Variants in PZP observed in about 807,000 individuals in gnomAD.
The protein encoded by PZP is pregnancy zone protein.
Under a neutral mutation model 179.8 loss-of-function variants are expected in PZP, and 150 were observed. The ratio of observed to expected loss-of-function variants is 0.83; its 90% CI spans 0.73 to 0.96. The LOEUF is 0.96. PZP is among the 40% of genes least tolerant of loss of function. PZP has a pLI of 0.00. For missense variants in PZP, 1,689 were observed against 1,764.0 expected (o/e 0.96, Z 0.76); for synonymous variants, 624 against 652.3 (o/e 0.96, Z 0.66).
chr12:9,165,912 T>C, intron 18 of PZP, 140 bp downstream of exon 18: 1 of 1,047,690 alleles, frequency 9.5e-7, no homozygotes. Context: ...CAATTGCGCA[T>C]TTTACTTAGG....
rs767894948 is a variant in PZP at position 9,201,005 on chromosome 12, A to G, written c.557T>C (p.Ile186Thr). The G allele has an allele frequency of 1.2e-6, 2 of 1,613,976 alleles. No homozygotes were observed. Among genetic ancestry groups the G allele is most frequent in the Admixed American group, 3.3e-5 (2 of 60,000 alleles). The change falls in exon 6 of 36, where the codon ATC becomes ACC. Residue 186 changes from isoleucine to threonine, a missense_variant. Physicochemically the swap from Ile to Thr is moderately conservative, Grantham distance 89. Around this residue, in one of 3 missense-constraint regions of PZP, gnomAD observed 742 missense variants for 730.5 expected, o/e 1.02. Transcript: ENST00000261336. ...QWQSLKLEAG[I>T]NQLSFPLSSE... is the part of the protein sequence containing the mutation. ...TGAGAGGGGAAAGGACAACTGATTG[A>G]TGCCAGCTTCTAGCTTGAGACTCTG... is the stretch of plus-strand genomic sequence containing the variant.
At chr12:9,207,457 T>C (rs1388729702) in intron 1 of PZP, among the ~76,000 whole-genome samples, 3 of 152,202 alleles carry the variant, frequency 2.0e-5, no homozygotes, top group Non-Finnish European at 4.4e-5. Flanking sequence ...TCACAGGCTG[T>C]GTTGAAACAA....
intron 18 of PZP, among the ~76,000 whole-genome samples, chr12:9,165,764 C>G (rs192536383): frequency 5.3e-5 from 8 of 152,316 alleles, no homozygotes; most frequent in African/African-American, 1.9e-4. Context: ...CTGATATTTA[C>G]AGAAGGCTCC....
Position 9,169,509 on chromosome 12 carries a change from G to A in PZP, c.1922C>T (p.Pro641Leu). 3 of 1,612,024 alleles carry A rather than the reference G, an allele frequency of 1.9e-6. No individual in the cohort carries two copies. The highest frequency in any genetic ancestry group is 1.1e-5 in the South Asian group (1 of 90,948). ...DQQEEEQGHC[P>L]RPFFIHNGAI... Reference sequence around the variant, plus strand: ...TCCATTATGAATGAAGAAAGGACGGGGACAGTGTCCTTGTTCTTCCTCCTG... The same window carrying A: ...TCCATTATGAATGAAGAAAGGACGGAGACAGTGTCCTTGTTCTTCCTCCTG... The change falls in exon 16 of 36, where the codon CCC becomes CTC. Residue 641 changes from proline (P) to leucine (L), a missense_variant. Physicochemically the swap from Pro to Leu is moderately conservative, Grantham distance 98. Transcript: ENST00000261336.
intron 35 of PZP, 56 bp from the exon 36 acceptor site, chr12:9,149,050 T>C (rs1256177906): frequency 6.6e-7 from 1 of 1,504,086 alleles, no homozygotes; most frequent in East Asian, 2.3e-5. Flanking sequence ...GAGCATTCAG[T>C]TGAGTGTGGG....
chr12:9,158,339 C>T (rs1379118016), intron 26 of PZP, 81 bp downstream of exon 26: 18 of 1,541,102 alleles, frequency 1.2e-5, no homozygotes, highest in Non-Finnish European at 1.5e-5. Context: ...TTGCAATTTC[C>T]TTGTGCCTCC....
At position 9,192,273 on chromosome 12, in the gene PZP, G is replaced by C; in HGVS notation, c.1483-17C>G. Reference sequence around the variant, plus strand: ...AGCCATGATCTGAAATGAAAAAACAGTGAAGGAAATTTCTTGAGCTGGACA... The same window carrying C: ...AGCCATGATCTGAAATGAAAAAACACTGAAGGAAATTTCTTGAGCTGGACA... On this transcript the variant is annotated splice_polypyrimidine_tract_variant and intron_variant, in intron 12 of 35. Transcript: ENST00000261336. The C allele has an allele frequency of 6.2e-7, 1 of 1,612,698 alleles. No individual in the cohort carries two copies. Among genetic ancestry groups the C allele is most frequent in the Non-Finnish European group, 8.5e-7 (1 of 1,178,790 alleles).
chr12:9,158,698 G>C, intron 25 of PZP, 122 bp from the exon 26 acceptor site: 2 of 885,318 alleles, frequency 2.3e-6, no homozygotes, highest in South Asian at 6.4e-5. Context: ...CTGTTACTGA[G>C]AGTTTGGAGA....
In PZP at chr12:9,164,225, A is replaced by G. The variant is rs1941423289; in HGVS notation, c.2522T>C (p.Leu841Pro). The change falls in exon 20 of 36, where the codon CTA (leucine) becomes CCA (proline). Residue 841 changes from leucine to proline, a missense_variant. Around this residue, in one of 3 missense-constraint regions of PZP, gnomAD observed 201 missense variants for 284.2 expected, o/e 0.71. Coordinates refer to ENST00000261336, the MANE Select transcript of PZP (RefSeq NM_002864.3). ...TTCTCCCTTTGTATTTTGGGAAGCT[A>G]GGAAGGCTGGAGAGGCTTTCAGCTG... ...SVQLKASPAF[L>P]ASQNTKGEES... 2.5e-6 allele frequency: 4 copies of G among 1,612,794 alleles called. No homozygotes were observed. The highest frequency in any genetic ancestry group is 1.1e-5 in the South Asian group (1 of 91,060).
At chr12:9,204,145 G>A (rs1227866914) in intron 1 of PZP, among the ~76,000 whole-genome samples, 194 bp from the exon 2 acceptor site, 1 of 152,156 alleles carries the variant, frequency 6.6e-6, no homozygotes, top group Admixed American at 6.5e-5. Flanking sequence ...CCATGCCTCA[G>A]CCACACAATC....
At chr12:9,195,611 ATTTTTTT>A (rs11398106) in intron 10 of PZP, among the ~76,000 whole-genome samples, 22 of 104,248 alleles carry the variant, frequency 2.1e-4, no homozygotes, top group South Asian at 3.2e-4. Flanking sequence ...CCCACTGCTA[ATTTTTTT>A]TTTTTTTTTT....
At chr12:9,160,776 G>A (rs978703258) in intron 23 of PZP, among the ~76,000 whole-genome samples, 10 of 152,020 alleles carry the variant, frequency 6.6e-5, no homozygotes, top group Middle Eastern at 3.2e-3. Flanking sequence ...TTAGCCGGGC[G>A]TGGTGGCGGG....
intron 28 of PZP, among the ~76,000 whole-genome samples, chr12:9,155,394 A>C (rs1166283774): frequency 6.6e-6 from 1 of 152,246 alleles, no homozygotes; most frequent in Non-Finnish European, 1.5e-5. Flanking sequence ...TGTATAAGGC[A>C]CCACTTCAAA....
chr12:9,163,668 C>T lies in PZP; in HGVS notation c.2736G>A (p.Glu912=). 1 of 1,612,812 alleles carries T rather than the reference C, an allele frequency of 6.2e-7. No homozygotes were observed. Residue 912 remains glutamate, a splice_region_variant and synonymous_variant, in exon 21 of 36, where the codon GAG becomes GAA. Transcript: ENST00000261336. ...TTAGGGACTCCCAAAAATATGTTAC[C>T]TCCACCAACAGGGTTTTGATGACTG... ...KDTVIKTLLV[E]AEGIEQEKTF...
rs200477595 is a variant in PZP at position 9,157,342 on chromosome 12, C to G, written c.3383G>C (p.Arg1128Pro). The stretch of plus-strand genomic sequence containing the variant: ...TGACTCCAGGCAGAACAGGGCATTG[C>G]GAACAATAGGGTTCTGTAAAGGCAA... The part of the protein sequence containing the change: ...IPLPVTNPIV[R>P]NALFCLESAW... The change falls in exon 28 of 36, where the codon CGC becomes CCC. Residue 1128 changes from arginine to proline, a missense_variant. Around this residue, in one of 3 missense-constraint regions of PZP, gnomAD observed 746 missense variants for 749.2 expected, o/e 1.00. Coordinates refer to ENST00000261336, the MANE Select transcript of PZP (RefSeq NM_002864.3). 3.1e-5 allele frequency: 50 copies of G among 1,612,968 alleles called. No individual in the cohort carries two copies. In the African/African-American group the frequency reaches 5.3e-4, roughly 17 times the overall value.
intron 16 of PZP, 71 bp from the exon 17 acceptor site, chr12:9,169,045 A>G: frequency 8.9e-7 from 1 of 1,129,718 alleles, no homozygotes. Context: ...ATCCTTAGAG[A>G]CTTCTCTATG....
chr12:9,171,252 G>C (rs1283298625), intron 15 of PZP, among the ~76,000 whole-genome samples: 1 of 152,250 alleles, frequency 6.6e-6, no homozygotes, highest in East Asian at 1.9e-4. Flanking sequence ...GCAAACCTCA[G>C]CAGCCCTATG....
At chr12:9,169,783 TG>T (rs1389312330) in intron 15 of PZP, 192 bp from the exon 16 acceptor site, 1 of 466,872 alleles carries the variant, frequency 2.1e-6, no homozygotes, top group Non-Finnish European at 3.6e-6. Flanking sequence ...GAAACCTACT[TG>T]GGAAAATGCT....
In PZP at chr12:9,182,132, G is replaced by GAGTGAGACAAAATGGTCATA. The variant is rs3832849; in HGVS notation, c.1547-35_1547-16dup. 1,127,773 of 1,553,924 alleles carry GAGTGAGACAAAATGGTCATA rather than the reference G, an allele frequency of 0.73. 416,962 individuals are homozygous for GAGTGAGACAAAATGGTCATA. Among genetic ancestry groups the GAGTGAGACAAAATGGTCATA allele is most frequent in the East Asian group, 0.79 (34,525 of 43,822 alleles). On this transcript the variant is annotated splice_polypyrimidine_tract_variant and intron_variant, in intron 13 of 35. Coordinates refer to ENST00000261336, the MANE Select transcript of PZP (RefSeq NM_002864.3). The stretch of plus-strand genomic sequence containing the variant: ...ACTGCCTTTCACTGGAACATGGAGA[G>GAGTGAGACAAAATGGTCATA]AGTGAGACAAAATGGTCATAAGTGA...
Sources: allele counts gnomAD v4.1 joint callset (sites outside exome capture counted in the v4.1 genomes callset), GRCh38; gene constraint gnomAD v4.1.1; regional missense constraint gnomAD v4.1.1; transcripts MANE v1.5; gene names NCBI Gene and HGNC (gene_info 2026-07-23, HGNC 2026-07-21).